Variants in SLC4A7 observed in about 807,000 individuals in gnomAD.
SLC4A7 encodes solute carrier family 4 member 7.
A neutral mutation model predicts 137.6 loss-of-function variants in SLC4A7; 51 were observed. That is an observed-to-expected ratio of 0.37 (90% CI 0.30 to 0.47). SLC4A7 has a LOEUF of 0.47. Ranked by LOEUF, SLC4A7 falls within the 20% of genes least tolerant of loss-of-function variation. The probability of loss-of-function intolerance (pLI) is 1.00; values close to 1 mark genes in which losing one functional copy is unlikely to be tolerated. For synonymous variants in SLC4A7, 542 were observed against 518.6 expected (o/e 1.05, Z -0.61); for missense variants, 1,247 against 1,525.4 (o/e 0.82, Z 3.04).
intron 1 of SLC4A7, among the ~76,000 whole-genome samples, chr3:27,475,462 T>C (rs2059425325): frequency 6.6e-6 from 1 of 152,004 alleles, no homozygotes; most frequent in Non-Finnish European, 1.5e-5. Flanking sequence ...CAGGTATATC[T>C]GAAACCCAAA....
At chr3:27,441,313 G>A (rs936326142) in intron 3 of SLC4A7, among the ~76,000 whole-genome samples, 1 of 152,048 alleles carries the variant, frequency 6.6e-6, no homozygotes, top group African/African-American at 2.4e-5. Flanking sequence ...TTGGTATCAG[G>A]GTAATGCTGG....
chr3:27,480,277 A>T (rs1371809555), intron 1 of SLC4A7, among the ~76,000 whole-genome samples: 2 of 152,204 alleles, frequency 1.3e-5, no homozygotes, highest in Non-Finnish European at 2.9e-5. Flanking sequence ...TCTGTCACCC[A>T]GGCTGCAGTG....
chr3:27,425,671 T>C (rs971022393), intron 7 of SLC4A7, among the ~76,000 whole-genome samples: 3 of 76,678 alleles, frequency 3.9e-5, no homozygotes, highest in Admixed American at 2.1e-4. Flanking sequence ...AGCAAAACTC[T>C]GTCTCAAAAA....
chr3:27,398,524 T>C (rs957739514), intron 16 of SLC4A7, among the ~76,000 whole-genome samples, 171 bp from the exon 17 acceptor site: 1 of 152,174 alleles, frequency 6.6e-6, no homozygotes, highest in Non-Finnish European at 1.5e-5. Flanking sequence ...TAACAACTAA[T>C]TGTAATACAT....
Position 27,398,242 on chromosome 3 carries a change from G to GA in SLC4A7, c.2538dup (p.Leu847SerfsTer9). On this transcript the variant is annotated frameshift_variant, in exon 17 of 26. Coordinates refer to ENST00000454389, the MANE Select transcript of SLC4A7 (RefSeq NM_001321103.2). LOFTEE classifies it high-confidence loss of function. ...TTAAATTGCTTGAGGAATGAAGACA[G>GA]AAAAAATGTTGTGAAAAACAAGATG... is the stretch of plus-strand genomic sequence containing the variant. 1 of 1,613,198 alleles carries GA rather than the reference G, an allele frequency of 6.2e-7. No individual in the cohort carries two copies. The highest frequency in any genetic ancestry group is 8.5e-7 in the Non-Finnish European group (1 of 1,179,372).
intron 2 of SLC4A7, among the ~76,000 whole-genome samples, chr3:27,451,854 T>C (rs1187681604): frequency 6.6e-6 from 1 of 152,148 alleles, no homozygotes; most frequent in African/African-American, 2.4e-5. Context: ...TAGGAGAAAC[T>C]GGGTGAAGTG....
Position 27,379,269 on chromosome 3 carries a change from T to C in SLC4A7, c.3678A>G (p.Lys1226=), listed in dbSNP as rs751002405. The C allele has an allele frequency of 6.5e-7, 1 of 1,532,904 alleles. No individual in the cohort carries two copies. Among genetic ancestry groups the C allele is most frequent in the Non-Finnish European group, 8.7e-7 (1 of 1,143,908 alleles). 95.0% of individuals were successfully genotyped at this position (1,532,904 alleles called of 1,614,324 possible). A position where few individuals can be genotyped will look rare whatever the true frequency, so the allele number is the denominator to read the frequency against. Reference sequence around the variant, plus strand: ...ACTACCTCATGTTAGATCTGGTTACTTTGGCATTCTCAGTATTCATGGAAA... The same window carrying C: ...ACTACCTCATGTTAGATCTGGTTACCTTGGCATTCTCAGTATTCATGGAAA... The part of the protein sequence containing the change: ...KALSMNTENA[K]VTRSNMSPDK... Residue 1226 remains lysine (K), a synonymous_variant, in exon 25 of 26, where the codon AAA becomes AAG. Transcript: ENST00000454389.
Position 27,448,676 on chromosome 3 carries a change from T to G in SLC4A7, c.264A>C (p.Glu88Asp). The change falls in exon 3 of 26, where the codon GAA (glutamate) becomes GAC (aspartate). Residue 88 changes from glutamate (E) to aspartate (D), a missense_variant. By Grantham distance (45) the Glu-to-Asp change is conservative. This residue lies in a region of SLC4A7 where 176 missense variants were observed against 186.4 expected (regional missense o/e 0.94). Coordinates refer to ENST00000454389, the MANE Select transcript of SLC4A7 (RefSeq NM_001321103.2). ...RRRKDKESDK[E>D]DGRESPSYDT... The stretch of plus-strand genomic sequence containing the variant: ...CATAAGAAGGAGATTCCCGTCCATC[T>G]TCTTTATCTGATTCTTTATCTTTTC... The G allele has an allele frequency of 6.2e-7, 1 of 1,612,960 alleles. No homozygotes were observed. The highest frequency in any genetic ancestry group is 1.7e-5 in the Admixed American group (1 of 59,752).
At chr3:27,378,199 A>C (rs1256886244) in intron 25 of SLC4A7, among the ~76,000 whole-genome samples, 5 of 152,214 alleles carry the variant, frequency 3.3e-5, no homozygotes, top group Admixed American at 3.3e-4. Context: ...AGAAGAGAAA[A>C]ACATATGATA....
intron 1 of SLC4A7, among the ~76,000 whole-genome samples, chr3:27,475,381 A>T (rs1452819530): frequency 6.6e-6 from 1 of 151,338 alleles, no homozygotes; most frequent in Non-Finnish European, 1.5e-5. Flanking sequence ...CAATTTGCAC[A>T]TGAGAAAAAT....
intron 1 of SLC4A7, among the ~76,000 whole-genome samples, chr3:27,458,977 A>T (rs995716270): frequency 5.3e-5 from 8 of 152,308 alleles, no homozygotes; most frequent in Middle Eastern, 3.4e-3. Flanking sequence ...CCTGGACAAC[A>T]GAGCGAGATT....
intron 25 of SLC4A7, among the ~76,000 whole-genome samples, chr3:27,378,861 T>C (rs2050149801): frequency 6.6e-6 from 1 of 152,238 alleles, no homozygotes; most frequent in African/African-American, 2.4e-5. Flanking sequence ...GTTTATTCCA[T>C]ACTGCTATAT....
chr3:27,431,483 C>T lies in SLC4A7; in HGVS notation c.965G>A (p.Ser322Asn). ...GGAGGTCAGGCGGCTGATGCTAGGGCTAGAAGGAGGACTGTTTTGAGGGGT... is the reference window on the plus strand; with the variant it reads ...GGAGGTCAGGCGGCTGATGCTAGGGTTAGAAGGAGGACTGTTTTGAGGGGT... Reference protein sequence around the residue: ...VPTPQNSPPSSPSISRLTSRS... With the variant: ...VPTPQNSPPSNPSISRLTSRS... Residue 322 changes from serine to asparagine, a missense_variant, in exon 7 of 26, where the codon AGC becomes AAC. Ser to Asn is a conservative substitution (Grantham distance 46, BLOSUM62 1). Coordinates refer to ENST00000454389, the MANE Select transcript of SLC4A7 (RefSeq NM_001321103.2). The T allele has an allele frequency of 6.2e-7, 1 of 1,613,940 alleles. No homozygotes were observed. The highest frequency in any genetic ancestry group is 8.5e-7 in the Non-Finnish European group (1 of 1,179,902).
At chr3:27,445,626 A>G (rs1273297904) in intron 3 of SLC4A7, among the ~76,000 whole-genome samples, 1 of 151,468 alleles carries the variant, frequency 6.6e-6, no homozygotes, top group African/African-American at 2.4e-5. Context: ...ATAGTTAATA[A>G]TATTGTAATG....
chr3:27,422,245 G>GA (rs1044048776), intron 8 of SLC4A7, among the ~76,000 whole-genome samples: 3 of 151,804 alleles, frequency 2.0e-5, no homozygotes, highest in Admixed American at 6.6e-5. Context: ...TCATTAACTG[G>GA]AAAAAAAATC....
At chr3:27,461,322 C>T (rs76018267) in intron 1 of SLC4A7, among the ~76,000 whole-genome samples, 1 of 151,594 alleles carries the variant, frequency 6.6e-6, no homozygotes, top group Admixed American at 6.6e-5. Context: ...TTGCTTGAAC[C>T]CAGAAGGCGG....
rs374685577 is a variant in SLC4A7, at chr3:27,431,519, G to A, written c.929C>T (p.Thr310Ile). The A allele has an allele frequency of 1.2e-5, 20 of 1,614,002 alleles. No homozygotes were observed. The highest frequency in any genetic ancestry group is 1.7e-5 in the Non-Finnish European group (20 of 1,180,020). The change falls in exon 7 of 26, where the codon ACC becomes ATC. Residue 310 changes from threonine (T) to isoleucine (I), a missense_variant. Around this residue, in one of 6 missense-constraint regions of SLC4A7, gnomAD observed 223 missense variants for 203.6 expected, o/e 1.10. Coordinates refer to ENST00000454389, the MANE Select transcript of SLC4A7 (RefSeq NM_001321103.2). Reference sequence around the variant, plus strand: ...ACTGTTTTGAGGGGTGGGTACTGGGGTTGTACACCTTGAGCCTGCAGGGGT... The same window carrying A: ...ACTGTTTTGAGGGGTGGGTACTGGGATTGTACACCTTGAGCCTGCAGGGGT... ...AGTPAGSRCTTPVPTPQNSPP... is the reference protein window; with the variant it reads ...AGTPAGSRCTIPVPTPQNSPP...
chr3:27,459,381 GTTAGTT>G (rs1340820890), intron 1 of SLC4A7, among the ~76,000 whole-genome samples: 1 of 151,778 alleles, frequency 6.6e-6, no homozygotes, highest in East Asian at 1.9e-4. Context: ...AAATGGTGAA[GTTAGTT>G]TTAGTTTAAT....
chr3:27,448,862 G>T, intron 2 of SLC4A7, 65 bp from the exon 3 acceptor site: 2 of 1,201,580 alleles, frequency 1.7e-6, no homozygotes, highest in Non-Finnish European at 1.2e-6. Flanking sequence ...ATATACAAAA[G>T]TACTCCAAAA....
Sources: allele counts gnomAD v4.1 joint callset (sites outside exome capture counted in the v4.1 genomes callset), GRCh38; gene constraint gnomAD v4.1.1; regional missense constraint gnomAD v4.1.1; transcripts MANE v1.5; gene names NCBI Gene and HGNC (gene_info 2026-07-23, HGNC 2026-07-21).